DNMBP: variants seen among roughly 807,000 people sequenced by gnomAD.
The protein encoded by DNMBP is dynamin binding protein.
DNMBP carries 87 observed loss-of-function variants against 150.0 expected under a neutral mutation model. That is an observed-to-expected ratio of 0.58 (90% CI 0.49 to 0.69). The LOEUF (loss-of-function observed/expected upper bound fraction) is 0.69, where lower values mean the gene tolerates loss of function less well. DNMBP is among the 30% of genes least tolerant of loss of function. DNMBP has a pLI of 0.00. For missense variants in DNMBP, 1,774 were observed against 1,949.0 expected, an observed-to-expected ratio of 0.91 and a Z score of 1.69; for synonymous variants, 711 against 750.4, an observed-to-expected ratio of 0.95 and a Z score of 0.86.
chr10:99,964,050 A>C (rs1397673028), intron 3 of DNMBP, among the ~76,000 whole-genome samples: 2 of 151,776 alleles, frequency 1.3e-5, no homozygotes, highest in Non-Finnish European at 2.9e-5. Context: ...TACGTGAGGC[A>C]ATTATTAGTG....
chr10:99,909,238 C>CTTTGGTTCT, intron 4 of DNMBP, 92 bp from the exon 5 acceptor site: 2 of 962,262 alleles, frequency 2.1e-6, no homozygotes, highest in Non-Finnish European at 3.1e-6. Context: ...TTCCTGAGAA[C>CTTTGGTTCT]CAAAGGTCTC....
rs768958108 is a variant in DNMBP at position 99,967,795 on chromosome 10, C to T, written c.268+1320G>A. On this transcript the variant is annotated intron_variant, in intron 3 of 16. Transcript: ENST00000324109. Reference sequence around the variant, plus strand: ...ATATTAATAACACACCTAATAAGTTCTACTGTTTTGATGACTGAGTCATCA... The same window carrying T: ...ATATTAATAACACACCTAATAAGTTTTACTGTTTTGATGACTGAGTCATCA... Among the ~76,000 whole-genome samples, 60 of 151,990 alleles carry T rather than the reference C, an allele frequency of 3.9e-4. No individual in the cohort carries two copies. The Middle Eastern group carries it at 0.024, about 60-fold the overall frequency.
At chr10:100,001,760 A>G (rs922550376) in intron 1 of DNMBP, among the ~76,000 whole-genome samples, 2 of 150,846 alleles carry the variant, frequency 1.3e-5, no homozygotes, top group African/African-American at 5.0e-5. Flanking sequence ...TATTTTCTCC[A>G]TTCTATTTAT....
chr10:99,881,768 A>C (rs898875283), intron 15 of DNMBP, among the ~76,000 whole-genome samples: 6 of 152,034 alleles, frequency 3.9e-5, no homozygotes, highest in Non-Finnish European at 8.8e-5. Context: ...CCCACTTTTA[A>C]TCTCTCGTTC....
intron 4 of DNMBP, among the ~76,000 whole-genome samples, chr10:99,945,460 T>A (rs2040346375): frequency 6.6e-6 from 1 of 152,220 alleles, no homozygotes; most frequent in African/African-American, 2.4e-5. Flanking sequence ...GAAGAGTGTG[T>A]GCTCATGGCC....
intron 1 of DNMBP, among the ~76,000 whole-genome samples, chr10:99,998,579 CAAAAA>C (rs71009799): frequency 2.1e-5 from 2 of 93,246 alleles, no homozygotes; most frequent in Non-Finnish European, 2.2e-5. Context: ...GACTCCGTCT[CAAAAA>C]AAAAAAAAAA....
rs185283014 is a variant in DNMBP at position 99,970,774 on chromosome 10, C to T, written c.145+1206G>A. Among the ~76,000 whole-genome samples, 1,228 of 151,650 alleles carry T rather than the reference C, an allele frequency of 8.1e-3. 19 individuals are homozygous for T. The highest frequency in any genetic ancestry group is 0.028 in the African/African-American group (1,176 of 41,336). On this transcript the variant is annotated intron_variant, in intron 2 of 16. Transcript: ENST00000324109. ...GATCATGACGTCAGGAGATTGAGAC[C>T]ATCCTGGCTAACATGGTGAAACCCC...
intron 4 of DNMBP, among the ~76,000 whole-genome samples, chr10:99,910,952 AT>A (rs374021470): frequency 6.8e-4 from 104 of 152,334 alleles, no homozygotes; most frequent in African/African-American, 2.4e-3. Context: ...GCAAATCACC[AT>A]TTTAGGCCAA....
chr10:99,915,210 T>TACACACACAC (rs202144781), intron 4 of DNMBP, among the ~76,000 whole-genome samples: 1 of 117,314 alleles, frequency 8.5e-6, no homozygotes. Flanking sequence ...TATACATATA[T>TACACACACAC]ACATACACAC....
intron 2 of DNMBP, 88 bp from the exon 3 acceptor site, chr10:99,969,325 C>A (rs1295203663): frequency 8.8e-6 from 12 of 1,364,948 alleles, no homozygotes; most frequent in Middle Eastern, 1.8e-4. Flanking sequence ...CTTCTGAGTC[C>A]ATGTATAGAC....
intron 6 of DNMBP, among the ~76,000 whole-genome samples, chr10:99,900,463 G>A (rs79709594): frequency 0.032 from 4,796 of 151,778 alleles, 82 homozygotes; most frequent in South Asian, 0.08. Context: ...AGGGGGTTTC[G>A]CCATGTTGCC....
intron 12 of DNMBP, among the ~76,000 whole-genome samples, chr10:99,887,127 C>T (rs952230474): frequency 4.0e-5 from 6 of 150,058 alleles, no homozygotes; most frequent in Non-Finnish European, 8.9e-5. Flanking sequence ...CTTGCTCTGT[C>T]ACCCAGGCTG....
At chr10:99,903,607 C>CA (rs1429831884) in intron 6 of DNMBP, among the ~76,000 whole-genome samples, 1 of 152,108 alleles carries the variant, frequency 6.6e-6, no homozygotes, top group East Asian at 1.9e-4. Flanking sequence ...GCTAGGATTA[C>CA]AGGCGTGGGC....
intron 1 of DNMBP, among the ~76,000 whole-genome samples, chr10:100,005,609 G>C (rs1388623705): frequency 1.3e-5 from 2 of 151,748 alleles, no homozygotes; most frequent in African/African-American, 4.8e-5. Context: ...AAAAAAATTA[G>C]CTGGGCGTGG....
intron 1 of DNMBP, among the ~76,000 whole-genome samples, chr10:100,001,780 G>A (rs138795422): frequency 4.3e-4 from 65 of 151,634 alleles, no homozygotes; most frequent in Middle Eastern, 3.4e-3. Flanking sequence ...TTTTCTGAAA[G>A]ATTAAAGCAA....
chr10:99,976,717 GTCT>G (rs1228748217), intron 1 of DNMBP, among the ~76,000 whole-genome samples: 1 of 151,794 alleles, frequency 6.6e-6, no homozygotes, highest in Admixed American at 6.6e-5. Flanking sequence ...CTTTCTGGCT[GTCT>G]TCCAGAGGAC....
At chr10:99,937,633 G>A (rs887105803) in intron 4 of DNMBP, among the ~76,000 whole-genome samples, 3 of 152,124 alleles carry the variant, frequency 2.0e-5, no homozygotes, top group Non-Finnish European at 4.4e-5. Flanking sequence ...CCACTACCGA[G>A]GCAAGCCATG....
At chr10:99,902,953 G>C (rs2039767204) in intron 6 of DNMBP, among the ~76,000 whole-genome samples, 1 of 150,860 alleles carries the variant, frequency 6.6e-6, no homozygotes. Context: ...AAATTGTTTT[G>C]AGACAAGGTC....
At chr10:99,958,978 C>G (rs775490790) in intron 3 of DNMBP, among the ~76,000 whole-genome samples, 6 of 152,168 alleles carry the variant, frequency 3.9e-5, no homozygotes, top group Non-Finnish European at 7.3e-5. Flanking sequence ...TATTAAAATA[C>G]CTTTTCCTGT....
Sources: gnomAD v4.1 joint callset for allele counts (sites outside exome capture counted in the v4.1 genomes callset) on GRCh38, gnomAD v4.1.1 for gene constraint, MANE v1.5 for transcripts, NCBI Gene and HGNC (gene_info 2026-07-23, HGNC 2026-07-21) for gene names.